Variants in PLG observed in about 807,000 individuals in gnomAD.
PLG encodes the protein plasmin.
Under a neutral mutation model 104.4 loss-of-function variants are expected in PLG, and 41 were observed. That is an observed-to-expected ratio of 0.39 (90% CI 0.31 to 0.51). The LOEUF (loss-of-function observed/expected upper bound fraction) is 0.51. PLG is among the 20% of genes least tolerant of loss of function. The pLI, the probability that PLG is intolerant of heterozygous loss-of-function variation, is 0.76. For missense variants in PLG, 891 were observed against 1,003.6 expected (o/e 0.89, Z 1.52); for synonymous variants, 337 against 357.1 (o/e 0.94, Z 0.63).
rs1013977867 is a variant in PLG at position 160,736,315 on chromosome 6, C to G, written c.1682-572C>G. ...AGTCATGGGAGGCTCCCCAGAGGAG[C>G]TGTCCTGAAGCTGGCTGACAGAAGG... On this transcript the variant is annotated intron_variant, in intron 13 of 18. Transcript: ENST00000308192. The surrounding 1 kb of genome is among the most constrained non-coding windows in gnomAD (Gnocchi z 5.2). Among the ~76,000 whole-genome samples the G allele has an allele frequency of 2.6e-5, 4 of 152,206 alleles. No homozygotes were observed. Among genetic ancestry groups the G allele is most frequent in the African/African-American group, 9.7e-5 (4 of 41,440 alleles).
At position 160,743,655 on chromosome 6, in the gene PLG, T is replaced by G. The variant is rs182299001; in HGVS notation, c.2125+2238T>G. 1.8e-4 allele frequency among the ~76,000 whole-genome samples: 28 copies of G among 152,336 alleles called. No individual in the cohort carries two copies. In the East Asian group the frequency reaches 5.2e-3, roughly 28 times the overall value. ...TCCTATCTGGATGCCCTTTATTTCTTTCTCTTGCCTGATTGCTCTGACCAG... is the reference window on the plus strand; with the variant it reads ...TCCTATCTGGATGCCCTTTATTTCTGTCTCTTGCCTGATTGCTCTGACCAG... On this transcript the variant is annotated intron_variant, in intron 17 of 18. Coordinates refer to ENST00000308192, the MANE Select transcript of PLG (RefSeq NM_000301.5).
rs1778098488 is a variant in PLG, at chr6:160,737,129, G to A, written c.1802+122G>A. On this transcript the variant is annotated intron_variant, in intron 14 of 18. Transcript: ENST00000308192. The surrounding 1 kb of genome is among the most constrained non-coding windows in gnomAD (Gnocchi z 4.7). The stretch of plus-strand genomic sequence containing the variant: ...GCACCTGCCTCTAAGTTTTCTGAAG[G>A]AGGAAAAAAGCTACAAAAATTAATA... 2.5e-6 allele frequency: 3 copies of A among 1,221,856 alleles called. No individual in the cohort carries two copies. The highest frequency in any genetic ancestry group is 2.8e-5 in the South Asian group (2 of 70,752). The allele number at this position is 1,221,856 out of a possible 1,614,324, so 75.7% of individuals were successfully genotyped here. A position where few individuals can be genotyped will look rare whatever the true frequency, so the allele number is the denominator to read the frequency against.
Position 160,707,985 on chromosome 6 carries a change from T to G in PLG, c.292+179T>G, listed in dbSNP as rs185795645. ...ACTAACCATGTCAGCTTGAGTGTAT[T>G]ACTTCACCTCTTAGATTTAATTTTT... On this transcript the variant is annotated intron_variant, in intron 3 of 18. Coordinates refer to ENST00000308192, the MANE Select transcript of PLG (RefSeq NM_000301.5). The G allele has an allele frequency of 2.4e-4, 141 of 599,102 alleles. No homozygotes were observed. In the East Asian group the frequency reaches 2.4e-3, roughly 10 times the overall value. 37.1% of individuals were successfully genotyped at this position (599,102 alleles called of 1,614,324 possible).
intron 1 of PLG, among the ~76,000 whole-genome samples, chr6:160,705,145 G>A (rs1419477340): frequency 1.3e-5 from 2 of 152,152 alleles, no homozygotes; most frequent in Non-Finnish European, 1.5e-5. Context: ...GAGCTTGCCT[G>A]TCTTCATTTT....
chr6:160,744,636 G>T lies in PLG; in HGVS notation c.2125+3219G>T, dbSNP rs1778249291. On this transcript the variant is annotated intron_variant, in intron 17 of 18. Coordinates refer to ENST00000308192, the MANE Select transcript of PLG (RefSeq NM_000301.5). The surrounding 1 kb of genome is among the most constrained non-coding windows in gnomAD (Gnocchi z 4.5). ...TACTGGACTTGTTGATCTTTTGAAT[G>T]AATTTTCATGTCTTGACTTTCTTCA... is the stretch of plus-strand genomic sequence containing the variant. Among the ~76,000 whole-genome samples, 1 of 152,134 alleles carries T rather than the reference G, an allele frequency of 6.6e-6. No individual in the cohort carries two copies. Among genetic ancestry groups the T allele is most frequent in the African/African-American group, 2.4e-5 (1 of 41,438 alleles).
chr6:160,748,029 G>A (rs970202193), intron 17 of PLG, among the ~76,000 whole-genome samples: 3 of 151,230 alleles, frequency 2.0e-5, no homozygotes, highest in African/African-American at 4.8e-5. Context: ...CTCTCTGGCT[G>A]GGTGCAGTGG....
At position 160,738,934 on chromosome 6, in the gene PLG, T is replaced by G; in HGVS notation, c.1878-134T>G. The G allele has an allele frequency of 1.0e-6, 1 of 1,003,990 alleles. No homozygotes were observed. The highest frequency in any genetic ancestry group is 1.6e-6 in the Non-Finnish European group (1 of 633,606). The allele number at this position is 1,003,990 out of a possible 1,614,324, so 62.2% of individuals were successfully genotyped here. On this transcript the variant is annotated intron_variant, in intron 15 of 18. Coordinates refer to ENST00000308192, the MANE Select transcript of PLG (RefSeq NM_000301.5). The surrounding 1 kb of genome is among the most constrained non-coding windows in gnomAD (Gnocchi z 6.8). ...GCCTGTTTCAAGCAAATCATGAATTTTGCTTCTTGCCACTCAGAAGTCACT... is the reference window on the plus strand; with the variant it reads ...GCCTGTTTCAAGCAAATCATGAATTGTGCTTCTTGCCACTCAGAAGTCACT...
chr6:160,716,581 G>GA, intron 6 of PLG, 64 bp from the exon 7 acceptor site: 1 of 1,007,470 alleles, frequency 9.9e-7, no homozygotes, highest in South Asian at 1.3e-5. Flanking sequence ...GTTTGCTCTT[G>GA]AAAAAGAGTC....
At chr6:160,708,835 C>A (rs1033883475) in intron 3 of PLG, among the ~76,000 whole-genome samples, 1 of 152,064 alleles carries the variant, frequency 6.6e-6, no homozygotes. Flanking sequence ...GTACTTCCTT[C>A]CTTACCACTA....
intron 3 of PLG, among the ~76,000 whole-genome samples, chr6:160,710,703 G>C (rs900893453): frequency 1.3e-5 from 2 of 152,132 alleles, no homozygotes; most frequent in Non-Finnish European, 2.9e-5. Context: ...GTCTCATCAT[G>C]TATGTAATAT....
chr6:160,713,132 A>C lies in PLG; in HGVS notation c.547+7A>C, dbSNP rs375717096. ...GACATTCTTGAGTGTGAAGGTCAGG[A>C]GTGGTTCTAGAAAATGTTTTCATTT... On this transcript the variant is annotated splice_region_variant and intron_variant, in intron 5 of 18. Transcript: ENST00000308192. The C allele has an allele frequency of 2.5e-6, 4 of 1,607,266 alleles. No homozygotes were observed. In the African/African-American group the frequency reaches 5.4e-5, roughly 22 times the overall value.
intron 3 of PLG, chr6:160,708,214 C>T (rs1777567871): frequency 6.0e-6 from 1 of 167,108 alleles, no homozygotes; most frequent in African/African-American, 2.4e-5. Flanking sequence ...AACAGAAATA[C>T]TGAGGTGTTT....
At chr6:160,751,626 G>A (rs1778401644) in intron 17 of PLG, among the ~76,000 whole-genome samples, 1 of 152,016 alleles carries the variant, frequency 6.6e-6, no homozygotes, top group African/African-American at 2.4e-5. Flanking sequence ...CATTCCCAAA[G>A]GAAACCTCAT....
chr6:160,742,439 C>T (rs775106363), intron 17 of PLG, among the ~76,000 whole-genome samples: 13 of 151,598 alleles, frequency 8.6e-5, no homozygotes, highest in Non-Finnish European at 1.6e-4. Context: ...GTTTGTTGGC[C>T]ACAGGCATGT....
At chr6:160,728,104 T>C (rs1165233086) in intron 10 of PLG, among the ~76,000 whole-genome samples, 5 of 151,948 alleles carry the variant, frequency 3.3e-5, no homozygotes, top group Non-Finnish European at 7.4e-5. Context: ...GGAGAACACA[T>C]AAGTATATAC....
Position 160,731,228 on chromosome 6 carries a change from A to G in PLG, c.1434A>G (p.Glu478=), listed in dbSNP as rs532399913. The part of the protein sequence containing the change: ...VLLPDVETPS[E]EDCMFGNGKG... ...TTCCAGATGTAGAGACTCCTTCCGA[A>G]GAAGGTAAGAAATCTGTGGCTGGAC... Residue 478 remains glutamate (E), a synonymous_variant, in exon 11 of 19, where the codon GAA becomes GAG. Coordinates refer to ENST00000308192, the MANE Select transcript of PLG (RefSeq NM_000301.5). This position sits in a 1 kb window ranked among gnomAD's most constrained non-coding sequence, Gnocchi z 5.1. 1.4e-4 allele frequency: 228 copies of G among 1,612,358 alleles called. 1 individual carries two copies. Among genetic ancestry groups the G allele is most frequent in the East Asian group, 1.3e-3 (57 of 44,800 alleles).
In PLG at chr6:160,753,271, C is replaced by T; in HGVS notation, c.*210C>T. ...CTATGACATTTGTTAAAAATAAACTCTGTACTTAACTTTGATTTGAGTAAA... is the reference window on the plus strand; with the variant it reads ...CTATGACATTTGTTAAAAATAAACTTTGTACTTAACTTTGATTTGAGTAAA... On this transcript the variant is annotated 3_prime_UTR_variant, in exon 19 of 19. Transcript: ENST00000308192. The surrounding 1 kb of genome is among the most constrained non-coding windows in gnomAD (Gnocchi z 5.4). The T allele has an allele frequency of 1.7e-6, 1 of 571,954 alleles. No homozygotes were observed. Among genetic ancestry groups the T allele is most frequent in the South Asian group, 2.0e-5 (1 of 49,724 alleles). 35.4% of individuals were successfully genotyped at this position (571,954 alleles called of 1,614,324 possible).
In PLG at chr6:160,734,920, G is replaced by T. The variant is rs1474491130; in HGVS notation, c.1681+832G>T. 6.6e-6 allele frequency among the ~76,000 whole-genome samples: 1 copy of T among 152,074 alleles called. No homozygotes were observed. Among genetic ancestry groups the T allele is most frequent in the Non-Finnish European group, 1.5e-5 (1 of 68,022 alleles). ...GAGGGACCTTGAGCTGGGGGAAGGA[G>T]CTTGGCCTCCAAGTCCACTGAAGAC... On this transcript the variant is annotated intron_variant, in intron 13 of 18. Coordinates refer to ENST00000308192, the MANE Select transcript of PLG (RefSeq NM_000301.5). This position sits in a 1 kb window ranked among gnomAD's most constrained non-coding sequence, Gnocchi z 4.4.
At chr6:160,706,008 T>C (rs1328925197) in intron 1 of PLG, 1 of 220,382 alleles carries the variant, frequency 4.5e-6, no homozygotes, top group Non-Finnish European at 9.1e-6. Flanking sequence ...ACTGTTTTTC[T>C]TTGTTTTATA....
Sources: allele counts gnomAD v4.1 joint callset (sites outside exome capture counted in the v4.1 genomes callset), GRCh38; gene constraint gnomAD v4.1.1; non-coding constraint Gnocchi (gnomAD v3.1); transcripts MANE v1.5; gene names NCBI Gene and HGNC (gene_info 2026-07-23, HGNC 2026-07-21).